Variants in PPP1R37 observed in about 807,000 individuals in gnomAD.
PPP1R37 encodes the protein leucine rich repeat containing 68.
A neutral mutation model predicts 61.0 loss-of-function variants in PPP1R37; 21 were observed. The observed-to-expected ratio is 0.34, with a 90% confidence interval of 0.24 to 0.50. PPP1R37 has a LOEUF of 0.50. Among genes scored for constraint, PPP1R37 ranks in the 20% least tolerant of loss-of-function variants. The pLI is 0.98. For missense variants in PPP1R37, 910 were observed against 952.7 expected (o/e 0.96, Z 0.59); for synonymous variants, 443 against 433.5 (o/e 1.02, Z -0.27).
chr19:45,116,524 A>G (rs1006338704), intron 1 of PPP1R37, among the ~76,000 whole-genome samples: 1 of 152,156 alleles, frequency 6.6e-6, no homozygotes, highest in Non-Finnish European at 1.5e-5. Flanking sequence ...ACGGCCTCTC[A>G]GCAGGCCTGA....
chr19:45,105,459 T>A (rs1055961334), intron 1 of PPP1R37, among the ~76,000 whole-genome samples: 4 of 151,958 alleles, frequency 2.6e-5, no homozygotes, highest in African/African-American at 9.7e-5. Context: ...ACCGCACCAT[T>A]TAGGGAGTGA....
chr19:45,146,231 G>T, intron 11 of PPP1R37, 159 bp from the exon 12 acceptor site: 1 of 894,160 alleles, frequency 1.1e-6, no homozygotes. Context: ...AGCTCTTCCT[G>T]GGGTGGGGGG....
At chr19:45,128,277 C>T (rs1037868051) in intron 1 of PPP1R37, among the ~76,000 whole-genome samples, 3 of 152,194 alleles carry the variant, frequency 2.0e-5, no homozygotes, top group Non-Finnish European at 4.4e-5. Flanking sequence ...CAGCCCAGGC[C>T]AGCCGACAGA....
chr19:45,139,706 C>T (rs8103452), intron 2 of PPP1R37, among the ~76,000 whole-genome samples: 1,552 of 152,306 alleles, frequency 0.01, 23 homozygotes, highest in African/African-American at 0.036. Flanking sequence ...GAGGGTGGGT[C>T]CTTGGACCCC....
At chr19:45,135,779 C>CT (rs546534256) in intron 1 of PPP1R37, among the ~76,000 whole-genome samples, 1,909 of 128,772 alleles carry the variant, frequency 0.015, 30 homozygotes, top group African/African-American at 0.032. Context: ...TTTGCATTTC[C>CT]TTTTTTTTTT....
chr19:45,140,648 C>T (rs1013286135), intron 4 of PPP1R37, 42 bp downstream of exon 4: 14 of 1,456,150 alleles, frequency 9.6e-6, no homozygotes, highest in East Asian at 4.9e-5. Flanking sequence ...CCTGAGCTCC[C>T]GGGCCCCTTC....
At chr19:45,122,344 A>C (rs1383095964) in intron 1 of PPP1R37, among the ~76,000 whole-genome samples, 1 of 151,976 alleles carries the variant, frequency 6.6e-6, no homozygotes, top group African/African-American at 2.4e-5. Context: ...TGAGTTGGGG[A>C]CTCACACCTG....
At chr19:45,146,202 G>A in intron 11 of PPP1R37, 153 bp downstream of exon 11, 3 of 979,408 alleles carry the variant, frequency 3.1e-6, no homozygotes, top group Non-Finnish European at 4.4e-6. Context: ...TCTCCACCCT[G>A]CTTCCCTTGG....
At chr19:45,126,585 G>A (rs901115158) in intron 1 of PPP1R37, among the ~76,000 whole-genome samples, 2 of 152,162 alleles carry the variant, frequency 1.3e-5, no homozygotes, top group African/African-American at 2.4e-5. Flanking sequence ...CTACCTCCCC[G>A]GCTTGAGAAT....
chr19:45,145,636 C>G lies in PPP1R37; in HGVS notation c.1580C>G (p.Pro527Arg). 3.9e-6 allele frequency: 6 copies of G among 1,535,814 alleles called. No individual in the cohort carries two copies. The highest frequency in any genetic ancestry group is 2.4e-5 in the East Asian group (1 of 40,882). ...GAGGAAGGGGAGAGGGACGAGACCC[C>G]CTGTCCTGCCCTGGTGCCCCCCACG... is the stretch of plus-strand genomic sequence containing the variant. Reference protein sequence around the residue: ...EEEEGERDETPCPALVPPTDS... With the variant: ...EEEEGERDETRCPALVPPTDS... Residue 527 changes from proline (P) to arginine (R), a missense_variant, in exon 11 of 13, where the codon CCC becomes CGC. Pro to Arg is a moderately radical substitution (Grantham distance 103). Around this residue, in one of 3 missense-constraint regions of PPP1R37, gnomAD observed 549 missense variants for 505.1 expected, o/e 1.09. Transcript: ENST00000221462.
chr19:45,140,189 C>G, intron 2 of PPP1R37, 47 bp from the exon 3 acceptor site: 1 of 1,503,756 alleles, frequency 6.7e-7, no homozygotes, highest in Non-Finnish European at 8.9e-7. Context: ...CTCGGCTGCC[C>G]CCCTGTTCAA....
intron 1 of PPP1R37, among the ~76,000 whole-genome samples, chr19:45,098,431 C>T (rs1475949441): frequency 6.6e-6 from 1 of 152,198 alleles, no homozygotes; most frequent in African/African-American, 2.4e-5. Flanking sequence ...ATGACACCAG[C>T]CACAGTCCGG....
At position 45,138,624 on chromosome 19, in the gene PPP1R37, C is replaced by CT; in HGVS notation, c.300+13_300+14insT. ...CAGGCAGCTGCAGGTATGGGCGGGACAGGGTGGGTGCGTCCGGTGTGGGTG... is the reference window on the plus strand; with the variant it reads ...CAGGCAGCTGCAGGTATGGGCGGGACTAGGGTGGGTGCGTCCGGTGTGGGTG... On this transcript the variant is annotated intron_variant, in intron 2 of 12. Coordinates refer to ENST00000221462, the MANE Select transcript of PPP1R37 (RefSeq NM_019121.2). 7.1e-7 allele frequency: 1 copy of CT among 1,412,262 alleles called. No individual in the cohort carries two copies. The highest frequency in any genetic ancestry group is 9.7e-7 in the Non-Finnish European group (1 of 1,036,214). 87.5% of individuals were successfully genotyped at this position (1,412,262 alleles called of 1,614,324 possible). A position where few individuals can be genotyped will look rare whatever the true frequency, so the allele number is the denominator to read the frequency against.
At position 45,119,589 on chromosome 19, in the gene PPP1R37, C is replaced by T. The variant is rs80344403; in HGVS notation, c.203-18925C>T. Reference sequence around the variant, plus strand: ...TGTTCCTGCCTATCTCCATGCCACTCTCACCTGCATTATTTTGCAGCAGCT... The same window carrying T: ...TGTTCCTGCCTATCTCCATGCCACTTTCACCTGCATTATTTTGCAGCAGCT... On this transcript the variant is annotated intron_variant, in intron 1 of 12. Transcript: ENST00000221462. Among the ~76,000 whole-genome samples the T allele has an allele frequency of 1.3e-3, 197 of 152,328 alleles. 2 individuals are homozygous for T. Among genetic ancestry groups the T allele is most frequent in the African/African-American group, 4.6e-3 (190 of 41,576 alleles).
intron 1 of PPP1R37, chr19:45,129,020 C>A: frequency 1.2e-6 from 1 of 839,698 alleles, no homozygotes; most frequent in South Asian, 1.3e-5. Context: ...CAGTCAAGGC[C>A]ATGGCAAAAG....
chr19:45,143,820 C>G (rs1968646031), intron 8 of PPP1R37, 187 bp downstream of exon 8: 1 of 497,768 alleles, frequency 2.0e-6, no homozygotes, highest in South Asian at 2.6e-5. Flanking sequence ...GAGGAGGAGC[C>G]CTTCTTTCAT....
chr19:45,098,353 C>T (rs1045460387), intron 1 of PPP1R37, among the ~76,000 whole-genome samples: 1 of 152,220 alleles, frequency 6.6e-6, no homozygotes, highest in Non-Finnish European at 1.5e-5. Flanking sequence ...GGCTGGTCTC[C>T]TCAGTCCCAG....
chr19:45,128,909 C>T (rs1968442450), intron 1 of PPP1R37: 1 of 699,688 alleles, frequency 1.4e-6, no homozygotes, highest in Admixed American at 1.8e-5. Flanking sequence ...CCTTCTTCGT[C>T]TGCCAGAGGA....
At chr19:45,127,974 C>CAAAAAAAAAAAAAAAAAAAAAAAAAA (rs35001139) in intron 1 of PPP1R37, among the ~76,000 whole-genome samples, 1 of 61,870 alleles carries the variant, frequency 1.6e-5, no homozygotes, top group Non-Finnish European at 3.7e-5. Context: ...GACTCCATCT[C>CAAAAAAAAAAAAAAAAAAAAAAAAAA]AAAAAAAAAA....
Sources: allele counts gnomAD v4.1 joint callset (sites outside exome capture counted in the v4.1 genomes callset), GRCh38; gene constraint gnomAD v4.1.1; regional missense constraint gnomAD v4.1.1; transcripts MANE v1.5; gene names NCBI Gene and HGNC (gene_info 2026-07-23, HGNC 2026-07-21).